The following TAF4B variants were observed in gnomAD, a reference collection of about 807,000 sequenced individuals.
The protein encoded by TAF4B is TATA-box binding protein associated factor 4b.
Under a neutral mutation model 86.4 loss-of-function variants are expected in TAF4B, and 38 were observed. The observed-to-expected ratio is 0.44, with a 90% CI of 0.34 to 0.58. The LOEUF is 0.58. Among genes scored for constraint, TAF4B ranks in the 20% least tolerant of loss-of-function variants. TAF4B has a pLI of 0.02. For synonymous variants in TAF4B, 388 were observed against 391.2 expected, an observed-to-expected ratio of 0.99 and a Z score of 0.10; for missense variants, 988 against 1,027.6, an observed-to-expected ratio of 0.96 and a Z score of 0.53.
At chr18:26,273,511 C>T (rs1824760) in intron 3 of TAF4B, among the ~76,000 whole-genome samples, 72,139 of 151,976 alleles carry the variant, frequency 0.47, 20,067 homozygotes, top group East Asian at 0.82. Context: ...TGTGTCCCCA[C>T]TCCTCTCCTT....
intron 12 of TAF4B, among the ~76,000 whole-genome samples, chr18:26,327,903 C>T (rs556947227): frequency 2.0e-5 from 3 of 152,200 alleles, no homozygotes; most frequent in Non-Finnish European, 4.4e-5. Context: ...TTATTTATTT[C>T]CCTTCTCCCT....
chr18:26,358,283 T>C (rs1008537458), intron 14 of TAF4B, among the ~76,000 whole-genome samples: 3 of 152,352 alleles, frequency 2.0e-5, no homozygotes, highest in South Asian at 2.1e-4. Context: ...ATTATAAACT[T>C]TTTGAGCAAG....
At chr18:26,255,700 A>G (rs1235969120) in intron 1 of TAF4B, 1 of 1,563,652 alleles carries the variant, frequency 6.4e-7, no homozygotes, top group African/African-American at 1.4e-5. Flanking sequence ...CTCAGTCACC[A>G]CTCCTGAGTG....
chr18:26,295,317 A>G (rs2056649471), intron 9 of TAF4B: 2 of 236,016 alleles, frequency 8.5e-6, no homozygotes, highest in Non-Finnish European at 1.7e-5. Flanking sequence ...GCTCACAGGT[A>G]TAGAATTCCC....
intron 13 of TAF4B, among the ~76,000 whole-genome samples, chr18:26,346,783 A>G (rs60808677): frequency 0.061 from 1,142 of 18,666 alleles, 204 homozygotes; most frequent in Middle Eastern, 0.25. Flanking sequence ...ATGTGTGTGT[A>G]TATATATATA....
At chr18:26,246,853 TC>T (rs1285199962) in intron 1 of TAF4B, among the ~76,000 whole-genome samples, 5 of 149,262 alleles carry the variant, frequency 3.3e-5, no homozygotes. Flanking sequence ...CTTTTTTTTT[TC>T]TTTTTTGTTT....
At chr18:26,351,861 A>G (rs1195433841) in intron 13 of TAF4B, among the ~76,000 whole-genome samples, 6 of 152,164 alleles carry the variant, frequency 3.9e-5, no homozygotes, top group Non-Finnish European at 8.8e-5. Context: ...CACTGTATGT[A>G]TGTGTAATAT....
intron 9 of TAF4B, 64 bp from the exon 10 acceptor site, chr18:26,315,149 TCTCTCTCTCTCTCACA>T (rs1568148036): frequency 4.4e-5 from 19 of 429,206 alleles, no homozygotes; most frequent in African/African-American, 4.2e-4. Context: ...TCTCTCTGTC[TCTCTCTCTCTCTCACA>T]CACACACACA....
chr18:26,267,286 TG>T (rs2056253071), intron 2 of TAF4B: 1 of 368,180 alleles, frequency 2.7e-6, no homozygotes, highest in South Asian at 1.1e-4. Flanking sequence ...TTCAGATAAA[TG>T]GGTTATTTAT....
intron 11 of TAF4B, 130 bp downstream of exon 11, chr18:26,321,330 A>G: frequency 2.2e-6 from 2 of 914,874 alleles, no homozygotes; most frequent in South Asian, 3.8e-5. Context: ...GGAAAATCAA[A>G]GTCTCATTCT....
chr18:26,276,417 A>G (rs950831258), intron 5 of TAF4B, among the ~76,000 whole-genome samples: 1 of 152,196 alleles, frequency 6.6e-6, no homozygotes, highest in Non-Finnish European at 1.5e-5. Flanking sequence ...GGATTTTTTG[A>G]ACTACTATAA....
chr18:26,385,120 G>T (rs1039519252), intron 14 of TAF4B, among the ~76,000 whole-genome samples: 1 of 152,162 alleles, frequency 6.6e-6, no homozygotes, highest in African/African-American at 2.4e-5. Flanking sequence ...TGTCCTTTCT[G>T]CTTCTGACTT....
At chr18:26,292,690 T>C (rs1358060212) in intron 8 of TAF4B, among the ~76,000 whole-genome samples, 1 of 152,012 alleles carries the variant, frequency 6.6e-6, no homozygotes, top group East Asian at 1.9e-4. Flanking sequence ...AGCTGGCTAA[T>C]TTTTGTATTT....
chr18:26,302,426 A>ATT (rs1306459116), intron 9 of TAF4B, among the ~76,000 whole-genome samples: 1 of 125,750 alleles, frequency 8.0e-6, no homozygotes, highest in Non-Finnish European at 1.6e-5. Flanking sequence ...GCTGGAGTGC[A>ATT]TTGAGTGGCA....
chr18:26,268,665 C>T (rs1412168893), intron 3 of TAF4B, among the ~76,000 whole-genome samples: 2 of 152,102 alleles, frequency 1.3e-5, no homozygotes, highest in Non-Finnish European at 2.9e-5. Context: ...CTTCTTTTTG[C>T]CTCCATTGCG....
chr18:26,351,299 G>C (rs746136738), intron 13 of TAF4B, among the ~76,000 whole-genome samples: 21 of 152,106 alleles, frequency 1.4e-4, no homozygotes, highest in Non-Finnish European at 2.1e-4. Context: ...ACTGATCTGT[G>C]AAAGCTAAAA....
chr18:26,389,092 G>C (rs142910453), intron 14 of TAF4B, among the ~76,000 whole-genome samples: 5 of 108,190 alleles, frequency 4.6e-5, no homozygotes, highest in African/African-American at 1.7e-4. Flanking sequence ...GATTACAGAC[G>C]TGAGCTACTG....
intron 9 of TAF4B, among the ~76,000 whole-genome samples, chr18:26,301,001 A>T (rs1212676747): frequency 6.6e-6 from 1 of 152,180 alleles, no homozygotes; most frequent in Non-Finnish European, 1.5e-5. Flanking sequence ...AGACCAAAAG[A>T]CATAAACTCA....
At chr18:26,306,200 G>T (rs12327506) in intron 9 of TAF4B, among the ~76,000 whole-genome samples, 1 of 151,904 alleles carries the variant, frequency 6.6e-6, no homozygotes, top group Non-Finnish European at 1.5e-5. Flanking sequence ...AATTTTGGGG[G>T]GTACATAGGC....
Sources: allele counts gnomAD v4.1 joint callset (sites outside exome capture counted in the v4.1 genomes callset), GRCh38; gene constraint gnomAD v4.1.1; transcripts MANE v1.5; gene names NCBI Gene and HGNC (gene_info 2026-07-23, HGNC 2026-07-21).